The following SLC10A7 variants were observed in gnomAD, a reference collection of about 807,000 sequenced individuals.
SLC10A7 encodes the protein sodium/bile acid cotransporter 7.
In SLC10A7, 29 loss-of-function variants were observed where a neutral mutation model predicts 43.2. That is an observed-to-expected ratio of 0.67 (90% confidence interval 0.50 to 0.92). The LOEUF is 0.92. SLC10A7 is among the 40% of genes least tolerant of loss of function. The probability of loss-of-function intolerance (pLI) is 0.00; values close to 1 mark genes in which losing one functional copy is unlikely to be tolerated. For synonymous variants in SLC10A7, 152 were observed against 144.8 expected (o/e 1.05, Z -0.35); for missense variants, 295 against 403.2 (o/e 0.73, Z 2.30).
intron 5 of SLC10A7, among the ~76,000 whole-genome samples, chr4:146,414,401 G>C (rs1289033519): frequency 9.2e-5 from 14 of 152,002 alleles, no homozygotes; most frequent in Non-Finnish European, 1.0e-4. Flanking sequence ...ATTCCACCAG[G>C]GGCTAACATG....
intron 4 of SLC10A7, among the ~76,000 whole-genome samples, chr4:146,461,796 T>G (rs1427379772): frequency 6.9e-6 from 1 of 144,442 alleles, no homozygotes; most frequent in East Asian, 2.0e-4. Flanking sequence ...AAAGATAGGC[T>G]AGGTGCTTAA....
chr4:146,450,666 C>T (rs1731500624), intron 4 of SLC10A7, among the ~76,000 whole-genome samples: 1 of 152,128 alleles, frequency 6.6e-6, no homozygotes, highest in Non-Finnish European at 1.5e-5. Flanking sequence ...GAAAACTCTA[C>T]TTACAAATTT....
chr4:146,493,933 A>G (rs928625596), intron 4 of SLC10A7, among the ~76,000 whole-genome samples: 7 of 152,248 alleles, frequency 4.6e-5, no homozygotes, highest in Non-Finnish European at 2.9e-5. Context: ...ATATACAGCA[A>G]GCTATTGCAA....
chr4:146,301,314 G>C (rs960621788), intron 7 of SLC10A7, among the ~76,000 whole-genome samples: 2 of 152,154 alleles, frequency 1.3e-5, no homozygotes, highest in Non-Finnish European at 2.9e-5. Context: ...GAGCAGTGAA[G>C]GGCCATGGTC....
At chr4:146,365,491 GT>G (rs1736329345) in intron 5 of SLC10A7, among the ~76,000 whole-genome samples, 1 of 152,162 alleles carries the variant, frequency 6.6e-6, no homozygotes, top group Admixed American at 6.5e-5. Flanking sequence ...GTTAACTGCA[GT>G]TTTGGCATTA....
intron 4 of SLC10A7, among the ~76,000 whole-genome samples, chr4:146,494,522 G>A (rs1174751293): frequency 1.3e-5 from 2 of 152,172 alleles, no homozygotes; most frequent in Non-Finnish European, 2.9e-5. Flanking sequence ...TTTTAGATCA[G>A]ATCTCTGGAA....
intron 7 of SLC10A7, among the ~76,000 whole-genome samples, chr4:146,297,850 T>C (rs1321945881): frequency 6.6e-6 from 1 of 152,228 alleles, no homozygotes; most frequent in East Asian, 1.9e-4. Context: ...TGAACACTTA[T>C]TATCTACTTC....
At chr4:146,296,123 C>A (rs184331768) in intron 7 of SLC10A7, among the ~76,000 whole-genome samples, 46 of 152,202 alleles carry the variant, frequency 3.0e-4, no homozygotes, top group African/African-American at 8.2e-4. Context: ...GATGCTCAAA[C>A]CCCTGATAAA....
intron 5 of SLC10A7, among the ~76,000 whole-genome samples, chr4:146,434,450 A>G (rs1730043556): frequency 6.6e-6 from 1 of 152,270 alleles, no homozygotes; most frequent in African/African-American, 2.4e-5. Flanking sequence ...CTAAATTGGT[A>G]GATACAAACC....
chr4:146,511,678 AT>A (rs1466121830), intron 2 of SLC10A7, among the ~76,000 whole-genome samples: 24 of 152,294 alleles, frequency 1.6e-4, no homozygotes, highest in African/African-American at 5.8e-4. Context: ...TCTGAGTATA[AT>A]TTAGGACCAC....
At chr4:146,272,611 G>C (rs1052796667) in intron 10 of SLC10A7, among the ~76,000 whole-genome samples, 4 of 152,144 alleles carry the variant, frequency 2.6e-5, no homozygotes. Context: ...TCTAGGAAGA[G>C]ACATGACCAA....
At chr4:146,309,794 C>T (rs888284366) in intron 6 of SLC10A7, among the ~76,000 whole-genome samples, 4 of 152,116 alleles carry the variant, frequency 2.6e-5, no homozygotes, top group African/African-American at 9.7e-5. Flanking sequence ...ATGTGACAGA[C>T]ACTGCTTTGT....
At chr4:146,272,688 G>A (rs559923656) in intron 10 of SLC10A7, among the ~76,000 whole-genome samples, 1 of 152,286 alleles carries the variant, frequency 6.6e-6, no homozygotes, top group East Asian at 1.9e-4. Context: ...TTTGCAAGTT[G>A]AAATTGAGAG....
intron 5 of SLC10A7, among the ~76,000 whole-genome samples, chr4:146,368,951 AATT>A (rs1338176897): frequency 3.1e-4 from 47 of 152,310 alleles, no homozygotes; most frequent in African/African-American, 1.1e-3. Context: ...AATAATGACA[AATT>A]ATTTTGAGAG....
intron 5 of SLC10A7, among the ~76,000 whole-genome samples, chr4:146,340,888 T>C (rs1426890491): frequency 6.6e-6 from 1 of 151,870 alleles, no homozygotes; most frequent in Non-Finnish European, 1.5e-5. Context: ...ATCTGGTAAA[T>C]CACATCAATG....
intron 8 of SLC10A7, among the ~76,000 whole-genome samples, 181 bp from the exon 9 acceptor site, chr4:146,293,161 T>A (rs1207728583): frequency 6.6e-6 from 1 of 152,220 alleles, no homozygotes; most frequent in Non-Finnish European, 1.5e-5. Flanking sequence ...ACTCAGTCTG[T>A]TCTTATTGAT....
intron 4 of SLC10A7, among the ~76,000 whole-genome samples, chr4:146,491,676 A>AAGGG (rs1735431847): frequency 9.8e-6 from 1 of 102,102 alleles, no homozygotes; most frequent in South Asian, 3.4e-4. Flanking sequence ...GGGAGGGAGG[A>AAGGG]AGGGAAGGAA....
At chr4:146,507,507 G>A (rs1737033295) in intron 3 of SLC10A7, among the ~76,000 whole-genome samples, 1 of 152,178 alleles carries the variant, frequency 6.6e-6, no homozygotes, top group Non-Finnish European at 1.5e-5. Context: ...GTTGCAGTGA[G>A]CTGAGATTAC....
chr4:146,460,269 GA>G (rs1364235053), intron 4 of SLC10A7, among the ~76,000 whole-genome samples: 1 of 151,854 alleles, frequency 6.6e-6, no homozygotes, highest in Non-Finnish European at 1.5e-5. Flanking sequence ...AGCCACTGTC[GA>G]AAACAAAGTT....
Sources: gnomAD v4.1 joint callset for allele counts (sites outside exome capture counted in the v4.1 genomes callset) on GRCh38, gnomAD v4.1.1 for gene constraint, MANE v1.5 for transcripts, NCBI Gene and HGNC (gene_info 2026-07-23, HGNC 2026-07-21) for gene names.